Variants in HERC1 observed in about 807,000 individuals in gnomAD.
HERC1 encodes the protein HECT and RLD domain containing E3 ubiquitin protein ligase family member 1, also known as probable E3 ubiquitin-protein ligase HERC1.
In HERC1, 160 loss-of-function variants were observed where a neutral mutation model predicts 554.3. The observed-to-expected ratio is 0.29, with a 90% CI of 0.25 to 0.33. The LOEUF (loss-of-function observed/expected upper bound fraction) is 0.33. Among genes scored for constraint, HERC1 ranks in the 10% least tolerant of loss-of-function variants. HERC1 has a pLI of 1.00. For synonymous variants in HERC1, 2,175 were observed against 2,131.7 expected, an observed-to-expected ratio of 1.02 and a Z score of -0.56; for missense variants, 4,919 against 5,918.5, an observed-to-expected ratio of 0.83 and a Z score of 5.54.
rs573648232 is a variant in HERC1, at chr15:63,720,103, C to CTTTTTTTTTTTT, written c.3743-1218_3743-1207dup. On this transcript the variant is annotated intron_variant, in intron 19 of 77. Coordinates refer to ENST00000443617, the MANE Select transcript of HERC1 (RefSeq NM_003922.4). ...GGACTAGTCAGGTGCTTTTTCTTCC[C>CTTTTTTTTTTTT]TTTTTTTTTTTTTTTAAGAGACAGG... Among the ~76,000 whole-genome samples, 89 of 71,592 alleles carry CTTTTTTTTTTTT rather than the reference C, an allele frequency of 1.2e-3. 19 individuals are homozygous for CTTTTTTTTTTTT. Among genetic ancestry groups the CTTTTTTTTTTTT allele is most frequent in the African/African-American group, 3.3e-3 (55 of 16,610 alleles). 47.0% of individuals were successfully genotyped at this position (71,592 alleles called of 152,430 possible).
At chr15:63,810,373 G>A (rs1467607357) in intron 1 of HERC1, among the ~76,000 whole-genome samples, 1 of 151,988 alleles carries the variant, frequency 6.6e-6, no homozygotes, top group Non-Finnish European at 1.5e-5. Context: ...TATACTATGA[G>A]GAGATCTTTA....
chr15:63,689,459 G>A (rs755623858), intron 33 of HERC1, 130 bp downstream of exon 33: 169 of 583,662 alleles, frequency 2.9e-4, no homozygotes, highest in Non-Finnish European at 4.8e-4. Flanking sequence ...TGGAAAGGGA[G>A]ACAGAATGCC....
At chr15:63,672,441 T>C in intron 39 of HERC1, 55 bp downstream of exon 39, 1 of 1,285,212 alleles carries the variant, frequency 7.8e-7, no homozygotes, top group Non-Finnish European at 1.1e-6. Context: ...AGGACAACTG[T>C]GCCTTCAGAA....
At chr15:63,783,493 C>A (rs933359416) in intron 1 of HERC1, among the ~76,000 whole-genome samples, 44 of 152,118 alleles carry the variant, frequency 2.9e-4, no homozygotes, top group Admixed American at 2.4e-3. Context: ...CTACAGTATA[C>A]GGTACACATA....
intron 14 of HERC1, among the ~76,000 whole-genome samples, chr15:63,730,543 G>C (rs2140959218): frequency 6.6e-6 from 1 of 152,188 alleles, no homozygotes; most frequent in Non-Finnish European, 1.5e-5. Context: ...GGAAGGGCTG[G>C]GGTCAGAAAC....
intron 25 of HERC1, among the ~76,000 whole-genome samples, chr15:63,701,226 CATA>C (rs2072707796): frequency 1.3e-5 from 2 of 152,120 alleles, no homozygotes; most frequent in South Asian, 4.1e-4. Context: ...TGGTTTGTCA[CATA>C]ATGACATTAA....
rs1315355693 is a variant in HERC1 at position 63,737,533 on chromosome 15, A to G, written c.2521-2684T>C. On this transcript the variant is annotated intron_variant, in intron 12 of 77. Coordinates refer to ENST00000443617, the MANE Select transcript of HERC1 (RefSeq NM_003922.4). ...TTTTTCCAGATATATATATATATAT[A>G]TATATATATATATATCTTTTTTTTT... 4.2e-5 allele frequency among the ~76,000 whole-genome samples: 5 copies of G among 118,984 alleles called. 2 individuals are homozygous for G. Among genetic ancestry groups the G allele is most frequent in the Non-Finnish European group, 6.9e-5 (4 of 58,026 alleles). 78.1% of individuals were successfully genotyped at this position (118,984 alleles called of 152,430 possible).
intron 19 of HERC1, among the ~76,000 whole-genome samples, chr15:63,721,185 C>T (rs1443385926): frequency 6.6e-6 from 1 of 152,078 alleles, no homozygotes; most frequent in African/African-American, 2.4e-5. Context: ...ACTATTTCAC[C>T]TCTGGTAGGA....
intron 1 of HERC1, among the ~76,000 whole-genome samples, chr15:63,799,456 T>G (rs1044283576): frequency 7.3e-5 from 11 of 151,330 alleles, no homozygotes; most frequent in Non-Finnish European, 1.5e-4. Context: ...GCTATGATCG[T>G]GCCACTGCAC....
Position 63,643,013 on chromosome 15 carries a change from G to T in HERC1, c.11377C>A (p.Gln3793Lys). The stretch of plus-strand genomic sequence containing the variant: ...ACTTCTGGAATCCATACTGTGGTCT[G>T]AATAGCTCCAGAGCCTATCACAACA... ...QTVVIGSGAI[Q>K]TTVWIPEVGV... Residue 3793 changes from glutamine to lysine, a missense_variant, in exon 59 of 78, where the codon CAG (glutamine) becomes AAG (lysine). Transcript: ENST00000443617. 6.2e-7 allele frequency: 1 copy of T among 1,613,048 alleles called. No individual in the cohort carries two copies. The highest frequency in any genetic ancestry group is 1.1e-5 in the South Asian group (1 of 90,948).
chr15:63,698,863 A>C lies in HERC1; in HGVS notation c.4770T>G (p.Thr1590=). ...FDLTKSLGVH[T]LIENVVSFVS... The stretch of plus-strand genomic sequence containing the variant: ...CAAAGCTTACAACATTTTCAATCAA[A>C]GTGTGAACTCCCAAAGACTTGGTAA... Residue 1590 remains threonine (T), a synonymous_variant, in exon 26 of 78, where the codon ACT becomes ACG. Coordinates refer to ENST00000443617, the MANE Select transcript of HERC1 (RefSeq NM_003922.4). 6.2e-7 allele frequency: 1 copy of C among 1,614,004 alleles called. No individual in the cohort carries two copies. Among genetic ancestry groups the C allele is most frequent in the Non-Finnish European group, 8.5e-7 (1 of 1,179,882 alleles).
At chr15:63,660,323 G>A (rs1351838139) in intron 46 of HERC1, among the ~76,000 whole-genome samples, 6 of 148,052 alleles carry the variant, frequency 4.1e-5, no homozygotes, top group Non-Finnish European at 7.5e-5. Flanking sequence ...CCATCTCAAA[G>A]AAATAAAAAC....
chr15:63,641,939 T>C (rs185987399), intron 59 of HERC1, among the ~76,000 whole-genome samples: 6 of 152,238 alleles, frequency 3.9e-5, no homozygotes, highest in Admixed American at 1.3e-4. Flanking sequence ...GAATAAGGCA[T>C]CTACTATATT....
chr15:63,767,221 T>C (rs2075809856), intron 2 of HERC1, among the ~76,000 whole-genome samples: 1 of 151,090 alleles, frequency 6.6e-6, no homozygotes, highest in Non-Finnish European at 1.5e-5. Context: ...CACACTGCTC[T>C]CGAACTACTG....
At chr15:63,621,633 G>T (rs969068080) in intron 74 of HERC1, among the ~76,000 whole-genome samples, 2 of 152,032 alleles carry the variant, frequency 1.3e-5, no homozygotes, top group Admixed American at 6.6e-5. Flanking sequence ...ACACCAATCA[G>T]ATGTAGATTT....
At chr15:63,609,555 G>A (rs1272090350) in intron 77 of HERC1, among the ~76,000 whole-genome samples, 4 of 152,300 alleles carry the variant, frequency 2.6e-5, no homozygotes, top group East Asian at 3.9e-4. Flanking sequence ...AATACACTAC[G>A]CACAGCGCCT....
rs755176046 is a variant in HERC1, at chr15:63,754,484, GATAA to G, written c.1774+17_1774+20del. 4.5e-5 allele frequency: 69 copies of G among 1,547,410 alleles called. No homozygotes were observed. The Admixed American group carries it at 1.1e-3, about 24-fold the overall frequency. On this transcript the variant is annotated intron_variant, in intron 7 of 77. Coordinates refer to ENST00000443617, the MANE Select transcript of HERC1 (RefSeq NM_003922.4). The stretch of plus-strand genomic sequence containing the variant: ...ACTCAAGAAAAAAGCCAAAGCTACT[GATAA>G]ATAATTTTTTACATACCATTGTCTC...
intron 7 of HERC1, 129 bp downstream of exon 7, chr15:63,754,376 C>T (rs2075350418): frequency 3.8e-6 from 2 of 526,882 alleles, no homozygotes; most frequent in Non-Finnish European, 6.1e-6. Context: ...TGTAAAAGCT[C>T]AGTTCATTTT....
chr15:63,811,298 G>A (rs1378339291), intron 1 of HERC1, among the ~76,000 whole-genome samples: 1 of 152,166 alleles, frequency 6.6e-6, no homozygotes, highest in Non-Finnish European at 1.5e-5. Context: ...AGGACAGGGA[G>A]GATCATGATG....
Sources: gnomAD v4.1 joint callset for allele counts (sites outside exome capture counted in the v4.1 genomes callset) on GRCh38, gnomAD v4.1.1 for gene constraint, MANE v1.5 for transcripts, NCBI Gene and HGNC (gene_info 2026-07-23, HGNC 2026-07-21) for gene names.